The following FANCI variants were observed in gnomAD, a reference collection of about 807,000 sequenced individuals.
FANCI encodes FA complementation group I.
A neutral mutation model predicts 176.1 loss-of-function variants in FANCI; 156 were observed. That is an observed-to-expected ratio of 0.89 (90% CI 0.78 to 1.01). The LOEUF is 1.01. Ranked by LOEUF, FANCI falls within the 50% of genes least tolerant of loss-of-function variation. The pLI is 0.00. For missense variants in FANCI, 1,678 were observed against 1,534.1 expected, an observed-to-expected ratio of 1.09 and a Z score of -1.57; for synonymous variants, 613 against 541.7, an observed-to-expected ratio of 1.13 and a Z score of -1.83.
chr15:89,315,550 T>C (rs983724179), intron 37 of FANCI, among the ~76,000 whole-genome samples, 161 bp downstream of exon 37: 1 of 152,186 alleles, frequency 6.6e-6, no homozygotes, highest in African/African-American at 2.4e-5. Context: ...GGTTGTAAAC[T>C]TTGGACCACA....
chr15:89,253,543 A>G (rs201770038), intron 2 of FANCI, among the ~76,000 whole-genome samples: 1 of 143,368 alleles, frequency 7.0e-6, no homozygotes, highest in Non-Finnish European at 1.5e-5. Context: ...AAATAAATAA[A>G]TAAGTATATG....
rs567119452 is a variant in FANCI, at chr15:89,290,994, C to T, written c.1891-619C>T. On this transcript the variant is annotated intron_variant, in intron 19 of 37. Transcript: ENST00000310775. Reference sequence around the variant, plus strand: ...TGTATCTTTCAAACTGTAATCAACACATCTACATTCACACGTTTAACAAAA... The same window carrying T: ...TGTATCTTTCAAACTGTAATCAACATATCTACATTCACACGTTTAACAAAA... 3.4e-4 allele frequency among the ~76,000 whole-genome samples: 52 copies of T among 152,298 alleles called. No individual in the cohort carries two copies. The South Asian group carries it at 0.011, about 32-fold the overall frequency.
At chr15:89,267,607 A>G (rs926942061) in intron 9 of FANCI, among the ~76,000 whole-genome samples, 19 of 152,086 alleles carry the variant, frequency 1.2e-4, no homozygotes, top group Non-Finnish European at 2.4e-4. Flanking sequence ...TTATGACTAT[A>G]CACATTTATT....
intron 1 of FANCI, 70 bp from the exon 2 acceptor site, chr15:89,247,559 G>T: frequency 9.2e-7 from 1 of 1,087,860 alleles, no homozygotes; most frequent in Non-Finnish European, 1.4e-6. Context: ...TCAGTTAACA[G>T]GGAAGGAAAA....
intron 13 of FANCI, among the ~76,000 whole-genome samples, chr15:89,277,837 T>A (rs2053467736): frequency 6.6e-6 from 1 of 152,180 alleles, no homozygotes; most frequent in East Asian, 1.9e-4. Flanking sequence ...GTCTTCTTGA[T>A]GTTCAATTGT....
chr15:89,289,637 T>G (rs1222448449), intron 18 of FANCI, among the ~76,000 whole-genome samples: 2 of 152,120 alleles, frequency 1.3e-5, no homozygotes, highest in East Asian at 1.9e-4. Context: ...AAAATTTTTT[T>G]GATCAATTCT....
chr15:89,251,053 A>T (rs2052226216), intron 2 of FANCI, among the ~76,000 whole-genome samples: 2 of 151,970 alleles, frequency 1.3e-5, no homozygotes, highest in Non-Finnish European at 2.9e-5. Context: ...GTGGGGGAAA[A>T]AAACACCATT....
rs2054667927 is a variant in FANCI, at chr15:89,305,121, C to G, written c.3065C>G (p.Ala1022Gly). 4 of 1,614,184 alleles carry G rather than the reference C, an allele frequency of 2.5e-6. No homozygotes were observed. The highest frequency in any genetic ancestry group is 3.4e-6 in the Non-Finnish European group (4 of 1,180,028). Residue 1022 changes from alanine to glycine, a missense_variant, in exon 29 of 38, where the codon GCC becomes GGC. Physicochemically the swap from Ala to Gly is moderately conservative, Grantham distance 60. Around this residue, in one of 3 missense-constraint regions of FANCI, gnomAD observed 1,204 missense variants for 1,077.4 expected, o/e 1.12. Transcript: ENST00000310775. ...CTTTTCTTCCTATTCCTAGAGGATG[C>G]CTTGTTTTGCAAGAGCTTGATGAAC... The part of the protein sequence containing the change: ...KICKENSRED[A>G]LFCKSLMNLL...
intron 34 of FANCI, among the ~76,000 whole-genome samples, chr15:89,308,827 T>C (rs924606849): frequency 2.4e-4 from 37 of 151,912 alleles, no homozygotes; most frequent in African/African-American, 8.7e-4. Context: ...GCACCTGTAA[T>C]CCCAGCTACT....
rs367792889 is a variant in FANCI, at chr15:89,252,177, G to A, written c.84+4446G>A. 2.0e-5 allele frequency among the ~76,000 whole-genome samples: 3 copies of A among 151,856 alleles called. No homozygotes were observed. In the South Asian group the frequency reaches 6.3e-4, roughly 32 times the overall value. Reference sequence around the variant, plus strand: ...TAGCTGGGCGTGGTGGTGTGTGCCTGTAATCCCAGCTACTCGGGAGGCTGA... The same window carrying A: ...TAGCTGGGCGTGGTGGTGTGTGCCTATAATCCCAGCTACTCGGGAGGCTGA... On this transcript the variant is annotated intron_variant, in intron 2 of 37. Coordinates refer to ENST00000310775, the MANE Select transcript of FANCI (RefSeq NM_001113378.2).
chr15:89,249,249 G>A (rs996969329), intron 2 of FANCI, among the ~76,000 whole-genome samples: 21 of 152,044 alleles, frequency 1.4e-4, no homozygotes, highest in African/African-American at 5.1e-4. Flanking sequence ...GAAGTCCTGT[G>A]GCAAGAAAGA....
rs1297593180 is a variant in FANCI at position 89,299,826 on chromosome 15, T to C, written c.2663T>C (p.Ile888Thr). The change falls in exon 25 of 38, where the codon ATT (isoleucine) becomes ACT (threonine). Residue 888 changes from isoleucine to threonine, a missense_variant. Around this residue, in one of 3 missense-constraint regions of FANCI, gnomAD observed 1,204 missense variants for 1,077.4 expected, o/e 1.12. Transcript: ENST00000310775. ...TRVLLWRYTSIPTSVEESGKK... is the reference protein window; with the variant it reads ...TRVLLWRYTSTPTSVEESGKK... ...GTCTTGCTATGGAGATACACTTCAATTCCTACTTCAGTGGAAGAGTCGGGA... is the reference window on the plus strand; with the variant it reads ...GTCTTGCTATGGAGATACACTTCAACTCCTACTTCAGTGGAAGAGTCGGGA... 1.2e-6 allele frequency: 2 copies of C among 1,613,814 alleles called. No homozygotes were observed. The highest frequency in any genetic ancestry group is 1.7e-5 in the Admixed American group (1 of 60,014).
chr15:89,244,494 G>C (rs951385753), intron 1 of FANCI, among the ~76,000 whole-genome samples: 5 of 152,194 alleles, frequency 3.3e-5, no homozygotes, highest in Non-Finnish European at 7.3e-5. Context: ...GCTCCCCAGC[G>C]TCTCTTGGCA....
At chr15:89,299,657 C>A in intron 24 of FANCI, 143 bp from the exon 25 acceptor site, 1 of 753,132 alleles carries the variant, frequency 1.3e-6, no homozygotes, top group Non-Finnish European at 2.2e-6. Context: ...GATAGAAATA[C>A]CTTGATTGTG....
chr15:89,307,566 C>A (rs2054772416), intron 33 of FANCI, 37 bp downstream of exon 33: 1 of 1,614,156 alleles, frequency 6.2e-7, no homozygotes, highest in Admixed American at 1.7e-5. Context: ...ATGGGGGAAG[C>A]ACTTTTACTG....
Position 89,295,051 on chromosome 15 carries a change from C to T in FANCI, c.2593C>T (p.Gln865Ter). ...ETGHVSGPDG[Q>*]NPEKIFQNLC... ...AGGGCATGTGAGTGGCCCTGATGGCCAAAACCCAGAAAAGATCTTTCAGAA... is the reference window on the plus strand; with the variant it reads ...AGGGCATGTGAGTGGCCCTGATGGCTAAAACCCAGAAAAGATCTTTCAGAA... Residue 865 changes from glutamine to a stop codon, truncating the protein, a stop_gained, in exon 24 of 38, where the codon CAA becomes TAA. Coordinates refer to ENST00000310775, the MANE Select transcript of FANCI (RefSeq NM_001113378.2). LOFTEE classifies it high-confidence loss of function. 1 of 1,551,964 alleles carries T rather than the reference C, an allele frequency of 6.4e-7. No homozygotes were observed. The highest frequency in any genetic ancestry group is 8.7e-7 in the Non-Finnish European group (1 of 1,147,064).
At chr15:89,251,500 T>G (rs1340889850) in intron 2 of FANCI, among the ~76,000 whole-genome samples, 2 of 152,212 alleles carry the variant, frequency 1.3e-5, no homozygotes, top group African/African-American at 2.4e-5. Flanking sequence ...AATATAACAT[T>G]GATTTTTTTA....
rs543431700 is a variant in FANCI, at chr15:89,286,977, C to CTTTTTTTTTTTTTTTTTTTTTTTTTTTTT, written c.1821+1780_1821+1781insTTTTTTTTTTTTTTTTTTTTTTTTTTTTT. 8.1e-5 allele frequency among the ~76,000 whole-genome samples: 7 copies of CTTTTTTTTTTTTTTTTTTTTTTTTTTTTT among 86,054 alleles called. 1 individual carries two copies. Among genetic ancestry groups the CTTTTTTTTTTTTTTTTTTTTTTTTTTTTT allele is most frequent in the Non-Finnish European group, 1.1e-4 (5 of 46,964 alleles). 56.5% of individuals were successfully genotyped at this position (86,054 alleles called of 152,430 possible). The stretch of plus-strand genomic sequence containing the variant: ...TCAGCATTTGCTGCTTCACCTTGCA[C>CTTTTTTTTTTTTTTTTTTTTTTTTTTTTT]TTTTTTTTTTTTTTTTTTTTTGAGT... On this transcript the variant is annotated intron_variant, in intron 18 of 37. Transcript: ENST00000310775.
At chr15:89,278,308 C>G (rs1180576214) in intron 13 of FANCI, among the ~76,000 whole-genome samples, 2 of 152,164 alleles carry the variant, frequency 1.3e-5, no homozygotes, top group African/African-American at 4.8e-5. Flanking sequence ...TTTTAAGTTT[C>G]TAGAAATCTT....
Sources: allele counts gnomAD v4.1 joint callset (sites outside exome capture counted in the v4.1 genomes callset), GRCh38; gene constraint gnomAD v4.1.1; regional missense constraint gnomAD v4.1.1; transcripts MANE v1.5; gene names NCBI Gene and HGNC (gene_info 2026-07-23, HGNC 2026-07-21).